Variants in GALNT13 observed in about 807,000 individuals in gnomAD.
GALNT13 encodes the protein polypeptide N-acetylgalactosaminyltransferase 13, also known as UDP-GalNAc:polypeptide N-acetylgalactosaminyltransferase 13.
Under a neutral mutation model 64.2 loss-of-function variants are expected in GALNT13, and 28 were observed. The ratio of observed to expected loss-of-function variants is 0.44; its 90% CI spans 0.32 to 0.60. The LOEUF (loss-of-function observed/expected upper bound fraction) is 0.60, where lower values mean the gene tolerates loss of function less well. GALNT13 is among the 20% of genes least tolerant of loss of function. GALNT13 has a pLI of 0.05. For synonymous variants in GALNT13, 214 were observed against 224.6 expected, an observed-to-expected ratio of 0.95 and a Z score of 0.42; for missense variants, 577 against 669.8, an observed-to-expected ratio of 0.86 and a Z score of 1.53.
chr2:153,654,716 T>C, the GALNT13 span, among the ~76,000 whole-genome samples: 1 of 152,142 alleles, frequency 6.6e-6, no homozygotes, highest in Non-Finnish European at 1.5e-5. Context: ...GTATTCATTA[T>C]TATAAGTAAT....
intron 8 of GALNT13, among the ~76,000 whole-genome samples, chr2:154,270,930 T>C (rs115642365): frequency 0.019 from 2,921 of 152,024 alleles, 70 homozygotes; most frequent in African/African-American, 0.059. Context: ...ATTTGGGGTT[T>C]TTCTGTAAAT....
At chr2:153,638,427 C>CAAGAGCCAA in the GALNT13 span, among the ~76,000 whole-genome samples, 11 of 86,470 alleles carry the variant, frequency 1.3e-4, no homozygotes, top group South Asian at 9.2e-4. Context: ...CCTGGACACC[C>CAAGAGCCAA]GGGATAGTAA....
chr2:153,503,055 T>G, the GALNT13 span, among the ~76,000 whole-genome samples: 1 of 152,228 alleles, frequency 6.6e-6, no homozygotes, highest in African/African-American at 2.4e-5. Context: ...GCTGATTATT[T>G]CTTTTGCTGT....
At chr2:153,602,492 A>G in the GALNT13 span, among the ~76,000 whole-genome samples, 2 of 112,880 alleles carry the variant, frequency 1.8e-5, no homozygotes, top group East Asian at 5.7e-4. Flanking sequence ...GTGATTTGAG[A>G]GAGACATGAA....
At chr2:154,162,327 T>A (rs1322081754) in intron 4 of GALNT13, among the ~76,000 whole-genome samples, 1 of 152,248 alleles carries the variant, frequency 6.6e-6, no homozygotes, top group Non-Finnish European at 1.5e-5. Flanking sequence ...TAAAAGTCAC[T>A]GAGTGCCTTT....
intron 11 of GALNT13, among the ~76,000 whole-genome samples, chr2:154,420,531 T>G (rs998738882): frequency 6.6e-6 from 1 of 152,200 alleles, no homozygotes; most frequent in Admixed American, 6.5e-5. Context: ...AATGTATCCT[T>G]GTTCAAGTAA....
At chr2:153,487,774 A>AGTTCT in the GALNT13 span, among the ~76,000 whole-genome samples, 3 of 152,196 alleles carry the variant, frequency 2.0e-5, no homozygotes, top group African/African-American at 7.2e-5. Flanking sequence ...GCATGCAAGG[A>AGTTCT]GTTCTGTATT....
chr2:153,259,777 C>T, the GALNT13 span, among the ~76,000 whole-genome samples: 5 of 152,160 alleles, frequency 3.3e-5, no homozygotes, highest in African/African-American at 1.2e-4. Flanking sequence ...TATAAATTAC[C>T]CAGTCTTGGA....
chr2:153,832,809 G>A, the GALNT13 span, among the ~76,000 whole-genome samples: 148 of 152,264 alleles, frequency 9.7e-4, no homozygotes, highest in Non-Finnish European at 1.8e-3. Context: ...AGGCTCTAAA[G>A]CCAGACAGTC....
chr2:153,362,502 A>G, the GALNT13 span, among the ~76,000 whole-genome samples: 2 of 145,302 alleles, frequency 1.4e-5, no homozygotes, highest in African/African-American at 5.1e-5. Context: ...GCAAGGACAC[A>G]TAGGCTGAAA....
the GALNT13 span, among the ~76,000 whole-genome samples, chr2:153,476,724 G>C: frequency 7.0e-3 from 1,059 of 152,218 alleles, 13 homozygotes; most frequent in African/African-American, 0.023. Flanking sequence ...CTTTTAACGT[G>C]GTCTTTTTGC....
chr2:154,299,159 C>G (rs1390427461), intron 8 of GALNT13, among the ~76,000 whole-genome samples: 1 of 149,240 alleles, frequency 6.7e-6, no homozygotes, highest in Admixed American at 6.7e-5. Context: ...ATTTTTGAAG[C>G]TATTTGAAAG....
the GALNT13 span, among the ~76,000 whole-genome samples, chr2:153,494,736 G>GAA: frequency 9.2e-5 from 14 of 151,780 alleles, no homozygotes; most frequent in Admixed American, 9.2e-4. Context: ...AGTAATCCAA[G>GAA]AAAAAAATGG....
chr2:153,830,795 TTC>T, the GALNT13 span, among the ~76,000 whole-genome samples: 4 of 152,190 alleles, frequency 2.6e-5, no homozygotes, highest in African/African-American at 9.6e-5. Flanking sequence ...TAACTTTGCT[TTC>T]AGAATTATAC....
intron 2 of GALNT13, among the ~76,000 whole-genome samples, chr2:153,913,416 A>G (rs1270882674): frequency 6.6e-6 from 1 of 152,166 alleles, no homozygotes; most frequent in African/African-American, 2.4e-5. Flanking sequence ...TGGGCAAAAC[A>G]GCCCTTCAGA....
At chr2:154,347,344 A>G (rs1696127475) in intron 9 of GALNT13, among the ~76,000 whole-genome samples, 1 of 152,132 alleles carries the variant, frequency 6.6e-6, no homozygotes, top group South Asian at 2.1e-4. Context: ...GATCTTTCAT[A>G]TTTGTTATAA....
At chr2:153,492,478 G>A in the GALNT13 span, among the ~76,000 whole-genome samples, 4 of 152,184 alleles carry the variant, frequency 2.6e-5, no homozygotes, top group Admixed American at 1.3e-4. Flanking sequence ...ACAGGTGAGT[G>A]CAAGCGGTCT....
At chr2:153,855,706 C>T in the GALNT13 span, among the ~76,000 whole-genome samples, 3 of 152,032 alleles carry the variant, frequency 2.0e-5, no homozygotes, top group African/African-American at 7.2e-5. Context: ...ATGAAGTTAC[C>T]ATATAACCCA....
chr2:153,579,149 G>A, the GALNT13 span, among the ~76,000 whole-genome samples: 737 of 152,262 alleles, frequency 4.8e-3, 7 homozygotes, highest in Admixed American at 8.2e-3. Flanking sequence ...GGATTTTTGT[G>A]TCCTTCTCTC....
Sources: allele counts gnomAD v4.1 joint callset (sites outside exome capture counted in the v4.1 genomes callset), GRCh38; gene constraint gnomAD v4.1.1; transcripts MANE v1.5; gene names NCBI Gene and HGNC (gene_info 2026-07-23, HGNC 2026-07-21).